The following IL1RAPL2 variants were observed in gnomAD, a reference collection of about 807,000 sequenced individuals.
IL1RAPL2 encodes X-linked interleukin-1 receptor accessory protein-like 2.
IL1RAPL2 carries 3 observed loss-of-function variants against 44.1 expected under a neutral mutation model. The ratio of observed to expected loss-of-function variants is 0.07; its 90% CI spans 0.03 to 0.18. IL1RAPL2 has a LOEUF of 0.18. Ranked by LOEUF, IL1RAPL2 falls within the 10% of genes least tolerant of loss-of-function variation. The probability of loss-of-function intolerance (pLI) is 1.00; values close to 1 mark genes in which losing one functional copy is unlikely to be tolerated. For synonymous variants in IL1RAPL2, 181 were observed against 178.8 expected (o/e 1.01, Z -0.10); for missense variants, 391 against 496.4 (o/e 0.79, Z 2.02).
chrX:104,658,848 C>A, intron 1 of IL1RAPL2, 47 bp from the exon 2 acceptor site: 1 of 866,598 alleles, frequency 1.2e-6, no homozygotes, highest in Non-Finnish European at 1.7e-6. Flanking sequence ...TTTGTTGAGG[C>A]CAAGATCTGT....
At chrX:105,402,001 A>T (rs1379088375) in intron 5 of IL1RAPL2, among the ~76,000 whole-genome samples, 1 of 110,865 alleles carries the variant, frequency 9.0e-6, no homozygotes, top group Non-Finnish European at 1.9e-5. Context: ...CTAATCTGCC[A>T]TTTGAAGAAA....
At chrX:105,484,421 C>T in intron 6 of IL1RAPL2, 34 bp downstream of exon 6, 1 of 1,013,633 alleles carries the variant, frequency 9.9e-7, no homozygotes. Context: ...ACTTCCTAAA[C>T]TTGCCCTCTG....
In IL1RAPL2 at chrX:104,658,904, A is replaced by ATT. The variant is rs1418862031; in HGVS notation, c.-10_-9insTT. On this transcript the variant is annotated 5_prime_UTR_variant, in exon 2 of 11. Coordinates refer to ENST00000372582, the MANE Select transcript of IL1RAPL2 (RefSeq NM_017416.2). ...TTTTTTGACTTTTCAGCTGTCAAGA[A>ATT]AAGTGAAGGATGAAGCCACCATTTC... The ATT allele has an allele frequency of 6.7e-6, 8 of 1,195,489 alleles. No individual in the cohort carries two copies. Among genetic ancestry groups the ATT allele is most frequent in the Non-Finnish European group, 9.1e-6 (8 of 882,740 alleles).
chrX:104,909,878 C>T (rs752808095), intron 2 of IL1RAPL2, among the ~76,000 whole-genome samples: 68 of 112,546 alleles, frequency 6.0e-4, no homozygotes, highest in Admixed American at 5.3e-3. Flanking sequence ...TGGTGGGCTC[C>T]ACCCAGTTCG....
chrX:105,354,952 G>A (rs1038286970), intron 5 of IL1RAPL2, among the ~76,000 whole-genome samples: 1 of 111,722 alleles, frequency 9.0e-6, no homozygotes, highest in Non-Finnish European at 1.9e-5. Context: ...CAAGCTGGAG[G>A]CCTTGAAGTC....
intron 1 of IL1RAPL2, among the ~76,000 whole-genome samples, chrX:104,620,425 G>C (rs1188845041): frequency 5.6e-5 from 6 of 107,737 alleles, no homozygotes; most frequent in African/African-American, 2.0e-4. Flanking sequence ...GGATCACAGG[G>C]TCAGGAGATC....
chrX:105,046,836 T>G (rs868682620), intron 2 of IL1RAPL2, among the ~76,000 whole-genome samples: 52 of 99,410 alleles, frequency 5.2e-4, no homozygotes, highest in African/African-American at 1.1e-3. Context: ...TTTTTTTTTT[T>G]GGGGGGGTGC....
At chrX:104,829,805 G>A (rs748594874) in intron 2 of IL1RAPL2, among the ~76,000 whole-genome samples, 6 of 112,360 alleles carry the variant, frequency 5.3e-5, no homozygotes, top group Non-Finnish European at 7.5e-5. Context: ...TCATAAAGAA[G>A]ATGAAAGAGT....
intron 5 of IL1RAPL2, among the ~76,000 whole-genome samples, chrX:105,446,205 G>C (rs2035953117): frequency 9.0e-6 from 1 of 111,096 alleles, no homozygotes; most frequent in African/African-American, 3.3e-5. Context: ...TATTGGTGTA[G>C]CTATTCCTAC....
At chrX:104,631,400 T>C (rs1929645663) in intron 1 of IL1RAPL2, among the ~76,000 whole-genome samples, 1 of 112,044 alleles carries the variant, frequency 8.9e-6, no homozygotes, top group Admixed American at 9.5e-5. Flanking sequence ...TCTAGATACC[T>C]GAGGAATCGC....
intron 2 of IL1RAPL2, among the ~76,000 whole-genome samples, chrX:104,676,764 C>T (rs923616453): frequency 8.9e-6 from 1 of 111,829 alleles, no homozygotes; most frequent in Admixed American, 9.5e-5. Flanking sequence ...GGTCTTTTCA[C>T]ATAGTCCCAT....
chrX:105,421,133 A>G (rs183403328), intron 5 of IL1RAPL2, among the ~76,000 whole-genome samples: 1 of 111,941 alleles, frequency 8.9e-6, no homozygotes, highest in Admixed American at 9.5e-5. Flanking sequence ...ACATCAATCA[A>G]CATATGCAAG....
At chrX:105,044,073 G>T (rs761645114) in intron 2 of IL1RAPL2, among the ~76,000 whole-genome samples, 2 of 111,467 alleles carry the variant, frequency 1.8e-5, no homozygotes, top group South Asian at 7.6e-4. Flanking sequence ...GCCACTAAAT[G>T]CATTAAACCT....
rs771962632 is a variant in IL1RAPL2, at chrX:104,658,963, C to G, written c.50C>G (p.Thr17Arg). 9 of 1,204,858 alleles carry G rather than the reference C, an allele frequency of 7.5e-6. No individual in the cohort carries two copies. The East Asian group carries it at 2.4e-4, about 32-fold the overall frequency. Residue 17 changes from threonine (T) to arginine (R), a missense_variant, in exon 2 of 11, where the codon ACA (threonine) becomes AGA (arginine). Physicochemically the swap from Thr to Arg is moderately conservative, Grantham distance 71 (BLOSUM62 -1). Coordinates refer to ENST00000372582, the MANE Select transcript of IL1RAPL2 (RefSeq NM_017416.2). ...LALVVCSVVSTNLKMVSKRNS... is the reference protein window; with the variant it reads ...LALVVCSVVSRNLKMVSKRNS... Reference sequence around the variant, plus strand: ...CTTGTGGTCTGTTCTGTAGTCAGCACAAATCTGAAGATGGTGTCAAAGAGA... The same window carrying G: ...CTTGTGGTCTGTTCTGTAGTCAGCAGAAATCTGAAGATGGTGTCAAAGAGA...
chrX:105,155,722 G>T (rs1444223974), intron 2 of IL1RAPL2, among the ~76,000 whole-genome samples: 1 of 111,033 alleles, frequency 9.0e-6, no homozygotes, highest in Admixed American at 9.6e-5. Context: ...TGAATAGAAC[G>T]ACAGAACAGA....
chrX:105,459,257 T>G (rs1297806998), intron 5 of IL1RAPL2, among the ~76,000 whole-genome samples: 6 of 110,746 alleles, frequency 5.4e-5, no homozygotes, highest in Non-Finnish European at 1.1e-4. Flanking sequence ...TGTGTGCATG[T>G]GTGTGTGTGT....
chrX:105,251,740 G>A (rs2034270485), intron 4 of IL1RAPL2, among the ~76,000 whole-genome samples: 1 of 109,565 alleles, frequency 9.1e-6, no homozygotes, highest in Non-Finnish European at 1.9e-5. Context: ...AATATCACTG[G>A]ACCTCAATTT....
intron 2 of IL1RAPL2, among the ~76,000 whole-genome samples, chrX:104,765,678 G>A (rs1932541300): frequency 8.9e-6 from 1 of 111,920 alleles, no homozygotes; most frequent in South Asian, 3.7e-4. Flanking sequence ...TACATTTTGG[G>A]AGTGACCATT....
At chrX:105,518,755 C>T (rs1330954609) in intron 6 of IL1RAPL2, among the ~76,000 whole-genome samples, 2 of 111,722 alleles carry the variant, frequency 1.8e-5, no homozygotes, top group Non-Finnish European at 3.8e-5. Context: ...ATACTAATGA[C>T]ACATTTCAAG....
Sources: allele counts gnomAD v4.1 joint callset (sites outside exome capture counted in the v4.1 genomes callset), GRCh38; gene constraint gnomAD v4.1.1; transcripts MANE v1.5; gene names NCBI Gene and HGNC (gene_info 2026-07-23, HGNC 2026-07-21).